Variants in CDH4 observed in about 807,000 individuals in gnomAD.
CDH4 encodes the protein cadherin 4.
In CDH4, 33 loss-of-function variants were observed where a neutral mutation model predicts 86.0. That is an observed-to-expected ratio of 0.38 (90% confidence interval 0.29 to 0.51). The LOEUF is 0.51. Among genes scored for constraint, CDH4 ranks in the 20% least tolerant of loss-of-function variants. CDH4 has a pLI of 0.86. For missense variants in CDH4, 1,114 were observed against 1,307.4 expected (o/e 0.85, Z 2.28); for synonymous variants, 555 against 549.4 (o/e 1.01, Z -0.14).
intron 2 of CDH4, among the ~76,000 whole-genome samples, chr20:61,730,046 AC>A (rs1357095344): frequency 6.6e-6 from 1 of 151,796 alleles, no homozygotes; most frequent in Admixed American, 6.6e-5. Context: ...GCAGGAAGTC[AC>A]CCCCCTCTCC....
intron 8 of CDH4, among the ~76,000 whole-genome samples, chr20:61,897,483 C>A (rs1271981449): frequency 1.3e-5 from 2 of 151,994 alleles, no homozygotes; most frequent in African/African-American, 4.8e-5. Flanking sequence ...CCAGAAATGA[C>A]CAGCCACCAG....
chr20:61,599,214 C>T (rs1224905900), intron 2 of CDH4, among the ~76,000 whole-genome samples: 1 of 152,182 alleles, frequency 6.6e-6, no homozygotes, highest in Non-Finnish European at 1.5e-5. Flanking sequence ...CCCACCCCGC[C>T]CTGCCATGCC....
intron 7 of CDH4, among the ~76,000 whole-genome samples, chr20:61,891,475 C>A (rs181745926): frequency 5.9e-5 from 9 of 152,242 alleles, no homozygotes; most frequent in East Asian, 1.9e-4. Flanking sequence ...AGTCCTCCCC[C>A]CTTCTCCAGG....
Position 61,280,240 on chromosome 20 carries a change from G to A in CDH4, c.169+25303G>A, listed in dbSNP as rs535806181. Among the ~76,000 whole-genome samples, 53 of 151,120 alleles carry A rather than the reference G, an allele frequency of 3.5e-4. 1 individual carries two copies. Among genetic ancestry groups the A allele is most frequent in the Admixed American group, 6.5e-4 (10 of 15,268 alleles). ...CAGGGTACACATAGGGTGATGGTGC[G>A]GGGAGTTGCATGGGAATGATGGCAT... On this transcript the variant is annotated intron_variant, in intron 2 of 15. Coordinates refer to ENST00000614565, the MANE Select transcript of CDH4 (RefSeq NM_001794.5).
rs1180144651 is a variant in CDH4 at position 61,659,361 on chromosome 20, C to T, written c.170-84202C>T. ...AATGCTCATTTAAAACCAGGGAAGGCAGAAAAAGAAGAAAATGAAAAGAAA... is the reference window on the plus strand; with the variant it reads ...AATGCTCATTTAAAACCAGGGAAGGTAGAAAAAGAAGAAAATGAAAAGAAA... On this transcript the variant is annotated intron_variant, in intron 2 of 15. Transcript: ENST00000614565. 4.6e-5 allele frequency among the ~76,000 whole-genome samples: 7 copies of T among 152,076 alleles called. No individual in the cohort carries two copies. The East Asian group carries it at 1.3e-3, about 29-fold the overall frequency.
chr20:61,873,870 C>G lies in CDH4; in HGVS notation c.1020C>G (p.Ile340Met), dbSNP rs766863757. The change falls in exon 7 of 16, where the codon ATC becomes ATG. Residue 340 changes from isoleucine (I) to methionine (M), a missense_variant. Transcript: ENST00000614565. ...MFTINSETGD[I>M]VTVAAGLDRE... ...CCATCAACAGCGAGACTGGAGATAT[C>G]GTCACAGTGGCGGCTGGCCTGGACC... The G allele has an allele frequency of 6.2e-7, 1 of 1,613,950 alleles. No homozygotes were observed. The highest frequency in any genetic ancestry group is 1.3e-5 in the African/African-American group (1 of 74,958).
chr20:61,895,262 G>C (rs946900613), intron 8 of CDH4, among the ~76,000 whole-genome samples: 2 of 152,250 alleles, frequency 1.3e-5, no homozygotes, highest in African/African-American at 4.8e-5. Context: ...TCAGGGAGGG[G>C]ACCGGCGGCG....
intron 2 of CDH4, among the ~76,000 whole-genome samples, chr20:61,373,961 C>T (rs114479702): frequency 2.6e-5 from 4 of 152,044 alleles, no homozygotes; most frequent in Non-Finnish European, 4.4e-5. Flanking sequence ...GTGTGGAACT[C>T]GTGGGGCAGT....
chr20:61,302,720 C>T (rs2084392926), intron 2 of CDH4, among the ~76,000 whole-genome samples: 1 of 152,124 alleles, frequency 6.6e-6, no homozygotes, highest in Admixed American at 6.5e-5. Flanking sequence ...GAACAGGGAC[C>T]CCCAAAGATG....
At chr20:61,707,965 C>T (rs1253181717) in intron 2 of CDH4, among the ~76,000 whole-genome samples, 1 of 152,122 alleles carries the variant, frequency 6.6e-6, no homozygotes, top group Admixed American at 6.5e-5. Context: ...GGTGTGAAAT[C>T]TGGCTTAGGA....
At chr20:61,679,774 C>T (rs1016386234) in intron 2 of CDH4, among the ~76,000 whole-genome samples, 2 of 152,240 alleles carry the variant, frequency 1.3e-5, no homozygotes, top group East Asian at 1.9e-4. Context: ...CTGGTTTCAG[C>T]AGCCCGCTGG....
rs752218061 is a variant in CDH4 at position 61,773,076 on chromosome 20, A to G, written c.470A>G (p.Gln157Arg). The change falls in exon 4 of 16, where the codon CAG becomes CGG. Residue 157 changes from glutamine (Q) to arginine (R), a missense_variant. Gln to Arg is a conservative substitution (Grantham distance 43, BLOSUM62 1). Around this residue, in one of 3 missense-constraint regions of CDH4, gnomAD observed 221 missense variants for 209.5 expected, o/e 1.05. Coordinates refer to ENST00000614565, the MANE Select transcript of CDH4 (RefSeq NM_001794.5). Reference sequence around the variant, plus strand: ...AAGGACACCCTGCTGCCGTGGCCCCAGCACCAGAACGCCAACGGGCTGAGG... The same window carrying G: ...AAGGACACCCTGCTGCCGTGGCCCCGGCACCAGAACGCCAACGGGCTGAGG... ...PPKDTLLPWP[Q>R]HQNANGLRRR... The G allele has an allele frequency of 6.2e-7, 1 of 1,613,664 alleles. No homozygotes were observed.
chr20:61,925,357 G>A (rs371290688), intron 11 of CDH4, among the ~76,000 whole-genome samples: 3 of 152,220 alleles, frequency 2.0e-5, no homozygotes, highest in African/African-American at 7.2e-5. Context: ...GATCAGTCCA[G>A]TACCACCGCT....
Position 61,656,946 on chromosome 20 carries a change from C to T in CDH4, c.170-86617C>T, listed in dbSNP as rs550837325. ...GCTCCATGTTGTCACTGCCCAGAAACGCCCACCTGGGATGCACTGGACACA... is the reference window on the plus strand; with the variant it reads ...GCTCCATGTTGTCACTGCCCAGAAATGCCCACCTGGGATGCACTGGACACA... On this transcript the variant is annotated intron_variant, in intron 2 of 15. Transcript: ENST00000614565. Among the ~76,000 whole-genome samples the T allele has an allele frequency of 5.9e-5, 9 of 152,322 alleles. No individual in the cohort carries two copies. The South Asian group carries it at 6.2e-4, about 11-fold the overall frequency.
intron 2 of CDH4, among the ~76,000 whole-genome samples, chr20:61,464,453 C>T (rs927839612): frequency 2.6e-5 from 4 of 152,168 alleles, no homozygotes; most frequent in African/African-American, 7.2e-5. Flanking sequence ...CAGTCCAATG[C>T]CCGGCTATAG....
At chr20:61,444,378 T>A (rs2085332965) in intron 2 of CDH4, among the ~76,000 whole-genome samples, 1 of 149,730 alleles carries the variant, frequency 6.7e-6, no homozygotes, top group Non-Finnish European at 1.5e-5. Flanking sequence ...TGCATGTGTG[T>A]GTCTATGTGT....
intron 2 of CDH4, among the ~76,000 whole-genome samples, chr20:61,351,122 C>T (rs1398373400): frequency 6.6e-6 from 1 of 152,188 alleles, no homozygotes; most frequent in Non-Finnish European, 1.5e-5. Context: ...GTCCTCCGTG[C>T]TTTCAGATGC....
chr20:61,767,359 C>T (rs965801119), intron 3 of CDH4, among the ~76,000 whole-genome samples: 4 of 152,222 alleles, frequency 2.6e-5, no homozygotes, highest in Non-Finnish European at 4.4e-5. Context: ...TGTGGTACCT[C>T]CCTAACGTGT....
chr20:61,755,522 C>T lies in CDH4; in HGVS notation c.396+11733C>T, dbSNP rs1283788526. ...CACACACACACATGCCCCATACACA[C>T]CACACACACCATATACACAGTGCAT... is the stretch of plus-strand genomic sequence containing the variant. On this transcript the variant is annotated intron_variant, in intron 3 of 15. Transcript: ENST00000614565. Among the ~76,000 whole-genome samples the T allele has an allele frequency of 2.0e-5, 3 of 149,358 alleles. No individual in the cohort carries two copies. The East Asian group carries it at 5.9e-4, about 30-fold the overall frequency.
Sources: allele counts gnomAD v4.1 joint callset (sites outside exome capture counted in the v4.1 genomes callset), GRCh38; gene constraint gnomAD v4.1.1; regional missense constraint gnomAD v4.1.1; transcripts MANE v1.5; gene names NCBI Gene and HGNC (gene_info 2026-07-23, HGNC 2026-07-21).